The following PHACTR3 variants were observed in gnomAD, a reference collection of about 807,000 sequenced individuals.
PHACTR3 encodes the protein protein phosphatase 1, regulatory subunit 123.
A neutral mutation model predicts 66.8 loss-of-function variants in PHACTR3; 16 were observed. The ratio of observed to expected loss-of-function variants is 0.24; its 90% CI spans 0.16 to 0.36. PHACTR3 has a LOEUF of 0.36. PHACTR3 is among the 10% of genes least tolerant of loss of function. The probability of loss-of-function intolerance (pLI) is 1.00; values close to 1 mark genes in which losing one functional copy is unlikely to be tolerated. For synonymous variants in PHACTR3, 323 were observed against 292.1 expected (o/e 1.11, Z -1.08); for missense variants, 647 against 719.9 (o/e 0.90, Z 1.16).
chr20:59,816,613 G>T (rs1348074361), intron 8 of PHACTR3, among the ~76,000 whole-genome samples: 13 of 152,166 alleles, frequency 8.5e-5, no homozygotes. Context: ...CCTCCACCTA[G>T]GCAGTAGACT....
At chr20:59,803,161 G>T (rs970499657) in intron 7 of PHACTR3, among the ~76,000 whole-genome samples, 4 of 152,214 alleles carry the variant, frequency 2.6e-5, no homozygotes, top group African/African-American at 9.6e-5. Flanking sequence ...CACTACAAAT[G>T]CAGACTGTCA....
At chr20:59,686,106 G>T (rs6100553) in intron 1 of PHACTR3, among the ~76,000 whole-genome samples, 8 of 151,996 alleles carry the variant, frequency 5.3e-5, no homozygotes. Context: ...AATTTATAAG[G>T]TGCCCACCTT....
At chr20:59,641,232 G>A (rs2035090003) in intron 1 of PHACTR3, among the ~76,000 whole-genome samples, 1 of 152,000 alleles carries the variant, frequency 6.6e-6, no homozygotes, top group African/African-American at 2.4e-5. Context: ...ATGTATGTAT[G>A]CATGTATGTA....
chr20:59,787,039 G>C (rs1472852229), intron 7 of PHACTR3, among the ~76,000 whole-genome samples: 3 of 152,188 alleles, frequency 2.0e-5, no homozygotes, highest in African/African-American at 7.2e-5. Flanking sequence ...AAATCATGCA[G>C]AGTGGAAGCA....
intron 7 of PHACTR3, among the ~76,000 whole-genome samples, chr20:59,784,373 G>A (rs866910277): frequency 1.3e-5 from 2 of 152,038 alleles, no homozygotes; most frequent in Admixed American, 1.3e-4. Context: ...GTATGTGTAT[G>A]CATATGTATA....
intron 1 of PHACTR3, among the ~76,000 whole-genome samples, chr20:59,613,183 G>A (rs1361490664): frequency 6.6e-6 from 1 of 152,188 alleles, no homozygotes; most frequent in African/African-American, 2.4e-5. Context: ...ATCTATTAGG[G>A]ATTGGGTTGA....
At chr20:59,651,157 C>T (rs376772837) in intron 1 of PHACTR3, among the ~76,000 whole-genome samples, 2 of 152,132 alleles carry the variant, frequency 1.3e-5, no homozygotes, top group East Asian at 1.9e-4. Flanking sequence ...ATCAGGAGTT[C>T]GAGGCTGCAG....
Position 59,841,524 on chromosome 20 carries a change from G to A in PHACTR3, c.1576G>A (p.Ala526Thr), listed in dbSNP as rs770245905. ...AGACAAACCCTGGACGAGACTGTCAGCAGCAGATAAGGTACCTAACTGCCT... is the reference window on the plus strand; with the variant it reads ...AGACAAACCCTGGACGAGACTGTCAACAGCAGATAAGGTACCTAACTGCCT... ...RADKPWTRLS[A>T]ADKAAIRKEL... Residue 526 changes from alanine (A) to threonine (T), a missense_variant, in exon 11 of 13, where the codon GCA (alanine) becomes ACA (threonine). Ala to Thr is a moderately conservative substitution (Grantham distance 58, BLOSUM62 0). This residue lies in a region of PHACTR3 where 70 missense variants were observed against 148.8 expected (regional missense o/e 0.47). Transcript: ENST00000371015. The A allele has an allele frequency of 2.5e-6, 4 of 1,612,946 alleles. No homozygotes were observed. Among genetic ancestry groups the A allele is most frequent in the Non-Finnish European group, 3.4e-6 (4 of 1,179,450 alleles).
At chr20:59,841,988 CAA>C in intron 11 of PHACTR3, among the ~76,000 whole-genome samples, 1 of 152,242 alleles carries the variant, frequency 6.6e-6, no homozygotes, top group Non-Finnish European at 1.5e-5. Context: ...ACAGTGGGGA[CAA>C]AGAGGCATTC....
At chr20:59,604,342 C>T (rs1460421153), upstream of PHACTR3, among the ~76,000 whole-genome samples, 1 of 152,116 alleles carries the variant, frequency 6.6e-6, no homozygotes, top group East Asian at 1.9e-4. Context: ...TTCTAGAGCA[C>T]GGCTTGGTGG....
At chr20:59,768,794 G>A (rs1390635452) in intron 5 of PHACTR3, among the ~76,000 whole-genome samples, 5 of 152,228 alleles carry the variant, frequency 3.3e-5, no homozygotes, top group African/African-American at 1.2e-4. Context: ...CATTTTCCTT[G>A]TACACCTAAC....
chr20:59,645,496 C>A (rs995840047), intron 1 of PHACTR3, among the ~76,000 whole-genome samples: 2 of 152,198 alleles, frequency 1.3e-5, no homozygotes, highest in African/African-American at 4.8e-5. Flanking sequence ...CCCACACTGC[C>A]CTCCCTGGCC....
At chr20:59,836,953 A>G (rs1463448717) in intron 9 of PHACTR3, among the ~76,000 whole-genome samples, 1 of 152,196 alleles carries the variant, frequency 6.6e-6, no homozygotes, top group Non-Finnish European at 1.5e-5. Flanking sequence ...CTTGGGAGGA[A>G]TAAAGCAGTC....
intron 1 of PHACTR3, among the ~76,000 whole-genome samples, chr20:59,720,352 G>A (rs1190905990): frequency 6.6e-6 from 1 of 152,170 alleles, no homozygotes; most frequent in Non-Finnish European, 1.5e-5. Context: ...TCACCCGGAT[G>A]GGCGTGGGAA....
chr20:59,649,703 A>G (rs539461120), intron 1 of PHACTR3, among the ~76,000 whole-genome samples: 3 of 152,102 alleles, frequency 2.0e-5, no homozygotes, highest in Non-Finnish European at 4.4e-5. Context: ...TCAGTGGTGT[A>G]TTTTCTGTAG....
chr20:59,836,443 C>T, intron 8 of PHACTR3, 62 bp from the exon 9 acceptor site: 1 of 1,533,294 alleles, frequency 6.5e-7, no homozygotes. Flanking sequence ...CCTTGCAGAC[C>T]CCAGGTGGAA....
chr20:59,772,888 A>G (rs1380634301), intron 5 of PHACTR3, among the ~76,000 whole-genome samples: 2 of 152,178 alleles, frequency 1.3e-5, no homozygotes, highest in African/African-American at 4.8e-5. Flanking sequence ...AGAGCGGACC[A>G]TGGTGCTCAT....
chr20:59,651,779 A>AT lies in PHACTR3; in HGVS notation c.118+46649dup, dbSNP rs1395667371. ...AGTCATCTCCAGGATATATCATAGTATTCATTAGTCAGAGTTTTCCAGAGA... is the reference window on the plus strand; with the variant it reads ...AGTCATCTCCAGGATATATCATAGTATTTCATTAGTCAGAGTTTTCCAGAGA... On this transcript the variant is annotated intron_variant, in intron 1 of 12. Transcript: ENST00000371015. Among the ~76,000 whole-genome samples the AT allele has an allele frequency of 2.0e-5, 3 of 152,202 alleles. No individual in the cohort carries two copies. In the East Asian group the frequency reaches 5.8e-4, roughly 29 times the overall value.
intron 5 of PHACTR3, among the ~76,000 whole-genome samples, chr20:59,769,860 C>T (rs550893039): frequency 1.3e-5 from 2 of 152,316 alleles, no homozygotes; most frequent in Non-Finnish European, 2.9e-5. Context: ...GCAACATGGC[C>T]ACATAAATTA....
Sources: allele counts gnomAD v4.1 joint callset (sites outside exome capture counted in the v4.1 genomes callset), GRCh38; gene constraint gnomAD v4.1.1; regional missense constraint gnomAD v4.1.1; transcripts MANE v1.5; gene names NCBI Gene and HGNC (gene_info 2026-07-23, HGNC 2026-07-21).